The following WWOX variants were observed in gnomAD, a reference collection of about 807,000 sequenced individuals.
WWOX encodes the protein WW domain containing oxidoreductase.
A neutral mutation model predicts 46.2 loss-of-function variants in WWOX; 69 were observed. The observed-to-expected ratio is 1.49, with a 90% CI of 1.23 to 1.82. WWOX has a LOEUF of 1.82. WWOX is among the 40% of genes most tolerant of loss of function. The pLI is 0.00. For synonymous variants in WWOX, 359 were observed against 202.6 expected, an observed-to-expected ratio of 1.77 and a Z score of -6.56; for missense variants, 919 against 542.6, an observed-to-expected ratio of 1.69 and a Z score of -6.89.
intron 8 of WWOX, among the ~76,000 whole-genome samples, chr16:79,188,605 T>C (rs1022706244): frequency 8.5e-5 from 13 of 152,242 alleles, no homozygotes; most frequent in African/African-American, 3.1e-4. Flanking sequence ...AATGTTTATC[T>C]AGCAATTCAT....
chr16:78,336,241 G>C (rs770241175), intron 5 of WWOX, among the ~76,000 whole-genome samples: 7 of 151,748 alleles, frequency 4.6e-5, no homozygotes, highest in Non-Finnish European at 8.8e-5. Flanking sequence ...GGGAGGCTGA[G>C]GCAGGCAGAT....
At chr16:78,223,326 A>G (rs1407660228) in intron 5 of WWOX, among the ~76,000 whole-genome samples, 2 of 152,136 alleles carry the variant, frequency 1.3e-5, no homozygotes, top group African/African-American at 2.4e-5. Flanking sequence ...GCATCCTACA[A>G]CAGAGAATTG....
intron 8 of WWOX, among the ~76,000 whole-genome samples, chr16:79,188,613 C>T (rs978424952): frequency 2.0e-5 from 3 of 152,204 alleles, no homozygotes; most frequent in Non-Finnish European, 4.4e-5. Context: ...TCTAGCAATT[C>T]ATTTCTTCTG....
chr16:78,888,940 C>T (rs2044527545), intron 8 of WWOX, among the ~76,000 whole-genome samples: 1 of 149,378 alleles, frequency 6.7e-6, no homozygotes, highest in South Asian at 2.1e-4. Flanking sequence ...TTTCCCCAAG[C>T]CCCATAATCT....
At chr16:78,546,587 A>T (rs770358245) in intron 8 of WWOX, among the ~76,000 whole-genome samples, 1 of 152,216 alleles carries the variant, frequency 6.6e-6, no homozygotes, top group Non-Finnish European at 1.5e-5. Flanking sequence ...ACTTCTGGAT[A>T]CCTGAGACTC....
chr16:78,945,693 C>A (rs1022073421), intron 8 of WWOX, among the ~76,000 whole-genome samples: 1 of 151,766 alleles, frequency 6.6e-6, no homozygotes, highest in Non-Finnish European at 1.5e-5. Context: ...CCTTGTATGC[C>A]CCCCTTTCTC....
At chr16:78,524,029 G>A (rs2043404609) in intron 8 of WWOX, among the ~76,000 whole-genome samples, 1 of 151,858 alleles carries the variant, frequency 6.6e-6, no homozygotes, top group African/African-American at 2.4e-5. Context: ...TGGATCACAT[G>A]GGAGCTTTCA....
chr16:78,849,573 CA>C (rs778723646), intron 8 of WWOX, among the ~76,000 whole-genome samples: 80 of 97,328 alleles, frequency 8.2e-4, no homozygotes, highest in East Asian at 3.9e-3. Context: ...GAATCCCTCT[CA>C]AAAAAAAAAA....
intron 8 of WWOX, among the ~76,000 whole-genome samples, chr16:78,673,832 T>G (rs1159478337): frequency 6.6e-6 from 1 of 152,192 alleles, no homozygotes; most frequent in Non-Finnish European, 1.5e-5. Context: ...TTCTATCGTA[T>G]CCTCCCGCAG....
At chr16:78,940,600 C>G (rs763099582) in intron 8 of WWOX, among the ~76,000 whole-genome samples, 6 of 151,854 alleles carry the variant, frequency 4.0e-5, no homozygotes, top group Non-Finnish European at 8.8e-5. Flanking sequence ...CTCAAATGCT[C>G]TAATCTCCAC....
chr16:79,187,618 G>A (rs2051043708), intron 8 of WWOX, among the ~76,000 whole-genome samples: 1 of 152,174 alleles, frequency 6.6e-6, no homozygotes, highest in Admixed American at 6.5e-5. Flanking sequence ...TGTTGGCCAG[G>A]CTGGTCTTGA....
At chr16:78,981,772 C>T (rs1359988132) in intron 8 of WWOX, 2 of 152,188 alleles carry the variant, frequency 1.3e-5, no homozygotes, top group Non-Finnish European at 2.9e-5. Flanking sequence ...ACGGTAGATA[C>T]AACCAGCTCC....
At chr16:78,776,578 AGATTTGGAGTGAG>A (rs749430602) in intron 8 of WWOX, among the ~76,000 whole-genome samples, 4 of 152,184 alleles carry the variant, frequency 2.6e-5, no homozygotes, top group Non-Finnish European at 5.9e-5. Context: ...TGGAATGAAC[AGATTTGGAGTGAG>A]GATGGATGTT....
intron 8 of WWOX, among the ~76,000 whole-genome samples, chr16:78,524,619 C>T (rs2043419720): frequency 6.6e-6 from 1 of 151,856 alleles, no homozygotes; most frequent in East Asian, 1.9e-4. Flanking sequence ...CGGGGTTTCA[C>T]CATGTTGGCC....
At chr16:78,178,249 C>T (rs1235231587) in intron 5 of WWOX, among the ~76,000 whole-genome samples, 1 of 152,204 alleles carries the variant, frequency 6.6e-6, no homozygotes, top group Admixed American at 6.5e-5. Flanking sequence ...CGTCCCAGCA[C>T]TTCTGTGCTG....
intron 8 of WWOX, among the ~76,000 whole-genome samples, chr16:79,191,124 G>A (rs989499628): frequency 2.6e-5 from 4 of 152,116 alleles, no homozygotes; most frequent in African/African-American, 4.8e-5. Flanking sequence ...CACAACCTTG[G>A]CTCAGTGCAG....
At chr16:78,932,996 C>T (rs963256999) in intron 8 of WWOX, among the ~76,000 whole-genome samples, 5 of 152,168 alleles carry the variant, frequency 3.3e-5, no homozygotes, top group African/African-American at 1.2e-4. Context: ...CTGTCCATAC[C>T]TTGGGAATTA....
At chr16:78,586,151 G>A (rs1032494703) in intron 8 of WWOX, among the ~76,000 whole-genome samples, 1 of 152,118 alleles carries the variant, frequency 6.6e-6, no homozygotes, top group South Asian at 2.1e-4. Context: ...GAGCCCCGGA[G>A]TTCAAGACTA....
chr16:78,644,707 C>T (rs530775289), intron 8 of WWOX, among the ~76,000 whole-genome samples: 1 of 152,312 alleles, frequency 6.6e-6, no homozygotes, highest in African/African-American at 2.4e-5. Context: ...AAGTGATCTG[C>T]CCGCCTTTGC....
Sources: gnomAD v4.1 joint callset for allele counts (sites outside exome capture counted in the v4.1 genomes callset) on GRCh38, gnomAD v4.1.1 for gene constraint, MANE v1.5 for transcripts, NCBI Gene and HGNC (gene_info 2026-07-23, HGNC 2026-07-21) for gene names.